Variants in SSBP2 observed in about 807,000 individuals in gnomAD.
SSBP2 encodes single stranded DNA binding protein 2.
A neutral mutation model predicts 61.8 loss-of-function variants in SSBP2; 17 were observed. That is an observed-to-expected ratio of 0.28 (90% confidence interval 0.19 to 0.41). The LOEUF is 0.41. SSBP2 is among the 10% of genes least tolerant of loss of function. SSBP2 has a pLI of 1.00. For missense variants in SSBP2, 310 were observed against 458.7 expected (o/e 0.68, Z 2.96); for synonymous variants, 139 against 141.3 (o/e 0.98, Z 0.12).
intron 4 of SSBP2, among the ~76,000 whole-genome samples, chr5:81,535,362 A>G (rs946546199): frequency 6.6e-6 from 1 of 152,108 alleles, no homozygotes; most frequent in African/African-American, 2.4e-5. Context: ...GTTCTTCCTG[A>G]TGTGACCTAT....
intron 1 of SSBP2, among the ~76,000 whole-genome samples, chr5:81,717,389 A>T (rs1407737717): frequency 1.3e-5 from 2 of 152,140 alleles, no homozygotes. Flanking sequence ...AAATATGCTA[A>T]TGCTCATGCT....
chr5:81,446,180 T>C (rs1763389089), intron 12 of SSBP2, among the ~76,000 whole-genome samples: 1 of 151,390 alleles, frequency 6.6e-6, no homozygotes. Context: ...TTCATGGCTC[T>C]TGACACATTT....
intron 4 of SSBP2, among the ~76,000 whole-genome samples, chr5:81,583,737 G>A (rs1162755303): frequency 6.6e-6 from 1 of 151,814 alleles, no homozygotes; most frequent in Admixed American, 6.6e-5. Flanking sequence ...GATCATTGGT[G>A]ACATATATAG....
intron 4 of SSBP2, among the ~76,000 whole-genome samples, chr5:81,565,710 A>C (rs1167982264): frequency 2.0e-5 from 3 of 152,196 alleles, no homozygotes; most frequent in African/African-American, 7.2e-5. Context: ...TGGAGTTCTC[A>C]GACCTAAAAT....
intron 1 of SSBP2, among the ~76,000 whole-genome samples, chr5:81,686,856 AAAAAAAAAAAAAAAAAGAAAAGAAAAG>A (rs1752826360): frequency 3.9e-5 from 1 of 25,798 alleles, no homozygotes; most frequent in Non-Finnish European, 6.8e-5. Flanking sequence ...CTTCATCTCA[AAAAAAAAAAAAAAAAAGAAAAGAAAAG>A]AAAAGAAAAG....
At chr5:81,715,213 C>A (rs1329736595) in intron 1 of SSBP2, among the ~76,000 whole-genome samples, 1 of 151,888 alleles carries the variant, frequency 6.6e-6, no homozygotes, top group African/African-American at 2.4e-5. Context: ...ATAAAATTGC[C>A]AGAACAGAGT....
At chr5:81,552,793 C>CA (rs1229165151) in intron 4 of SSBP2, among the ~76,000 whole-genome samples, 1 of 151,842 alleles carries the variant, frequency 6.6e-6, no homozygotes, top group Non-Finnish European at 1.5e-5. Flanking sequence ...ACCTGTGACT[C>CA]AAATAGTGAT....
chr5:81,690,483 A>C (rs1188851536), intron 1 of SSBP2, among the ~76,000 whole-genome samples: 2 of 152,152 alleles, frequency 1.3e-5, no homozygotes, highest in Non-Finnish European at 2.9e-5. Flanking sequence ...TTTCAAGACA[A>C]AGAAGGCCAT....
At chr5:81,725,325 C>A (rs944355932) in intron 1 of SSBP2, among the ~76,000 whole-genome samples, 2 of 151,956 alleles carry the variant, frequency 1.3e-5, no homozygotes, top group Admixed American at 1.3e-4. Flanking sequence ...TACCACTTTA[C>A]AAATGAAAGA....
chr5:81,448,660 T>G (rs1455941733), intron 11 of SSBP2, 130 bp downstream of exon 11: 1 of 868,116 alleles, frequency 1.2e-6, no homozygotes, highest in Non-Finnish European at 1.8e-6. Context: ...GGTTGGCAGA[T>G]GAAACAACTC....
At chr5:81,703,079 G>C (rs1226708345) in intron 1 of SSBP2, among the ~76,000 whole-genome samples, 1 of 152,070 alleles carries the variant, frequency 6.6e-6, no homozygotes, top group Non-Finnish European at 1.5e-5. Flanking sequence ...AGTATTCTTT[G>C]TGTGGTGGCT....
intron 4 of SSBP2, among the ~76,000 whole-genome samples, chr5:81,588,785 C>T (rs546033754): frequency 5.9e-5 from 9 of 152,150 alleles, no homozygotes; most frequent in African/African-American, 1.9e-4. Context: ...TGTTAATGGG[C>T]CCGTGCAGTG....
chr5:81,738,533 T>C (rs1756778353), intron 1 of SSBP2, among the ~76,000 whole-genome samples: 1 of 152,232 alleles, frequency 6.6e-6, no homozygotes, highest in Non-Finnish European at 1.5e-5. Flanking sequence ...TAGGTCTTAA[T>C]GGCATCTCAA....
rs78848759 is a variant in SSBP2 at position 81,489,919 on chromosome 5, G to C, written c.373-610C>G. Among the ~76,000 whole-genome samples the C allele has an allele frequency of 8.9e-3, 1,358 of 152,066 alleles. 20 individuals are homozygous for C. Among genetic ancestry groups the C allele is most frequent in the African/African-American group, 0.031 (1,275 of 41,476 alleles). On this transcript the variant is annotated intron_variant, in intron 5 of 16. Transcript: ENST00000320672. ...TATAGTCCCACCTACTCGGGAGGCT[G>C]AGGCCAAAGGACTGCTTGAGCTCAA...
intron 4 of SSBP2, among the ~76,000 whole-genome samples, chr5:81,590,743 C>T (rs1233022773): frequency 6.6e-6 from 1 of 152,186 alleles, no homozygotes; most frequent in African/African-American, 2.4e-5. Context: ...CCCCTCTCCC[C>T]TGAGAAGCAA....
In SSBP2 at chr5:81,413,711, A is replaced by G. The variant is rs1761213894; in HGVS notation, c.*6793T>C. The G allele has an allele frequency of 6.6e-6, 1 of 152,172 alleles. No homozygotes were observed. Among genetic ancestry groups the G allele is most frequent in the Admixed American group, 6.5e-5 (1 of 15,282 alleles). 9.4% of individuals were successfully genotyped at this position (152,172 alleles called of 1,614,324 possible). On this transcript the variant is annotated 3_prime_UTR_variant, in exon 17 of 17. Coordinates refer to ENST00000320672, the MANE Select transcript of SSBP2 (RefSeq NM_012446.5). ...GGAAAGTAAAACAGTTTGAAATATGATAGAAAGTATAAACACATTTCAATC... is the reference window on the plus strand; with the variant it reads ...GGAAAGTAAAACAGTTTGAAATATGGTAGAAAGTATAAACACATTTCAATC...
intron 3 of SSBP2, among the ~76,000 whole-genome samples, chr5:81,626,628 G>C (rs1458252052): frequency 6.6e-6 from 1 of 152,182 alleles, no homozygotes; most frequent in Non-Finnish European, 1.5e-5. Context: ...CAAGCACATT[G>C]TTAGCCTACC....
chr5:81,734,879 G>A (rs1162966903), intron 1 of SSBP2, among the ~76,000 whole-genome samples: 1 of 150,686 alleles, frequency 6.6e-6, no homozygotes, highest in African/African-American at 2.4e-5. Context: ...GCTGAGGCAG[G>A]ATAATGGTGT....
At chr5:81,613,149 G>T (rs1261782164) in intron 4 of SSBP2, among the ~76,000 whole-genome samples, 5 of 152,168 alleles carry the variant, frequency 3.3e-5, no homozygotes, top group Admixed American at 2.6e-4. Context: ...GTTTTAAGAT[G>T]TAATAAAAAT....
Sources: allele counts gnomAD v4.1 joint callset (sites outside exome capture counted in the v4.1 genomes callset), GRCh38; gene constraint gnomAD v4.1.1; transcripts MANE v1.5; gene names NCBI Gene and HGNC (gene_info 2026-07-23, HGNC 2026-07-21).